The following SLIT2 variants were observed in gnomAD, a reference collection of about 807,000 sequenced individuals.
SLIT2 encodes the protein slit homolog 2 protein.
SLIT2 carries 41 observed loss-of-function variants against 185.7 expected under a neutral mutation model. The ratio of observed to expected loss-of-function variants is 0.22; its 90% CI spans 0.17 to 0.29. The LOEUF (loss-of-function observed/expected upper bound fraction) is 0.29, where lower values mean the gene tolerates loss of function less well. Among genes scored for constraint, SLIT2 ranks in the 10% least tolerant of loss-of-function variants. The pLI is 1.00. For missense variants in SLIT2, 1,571 were observed against 1,909.0 expected (o/e 0.82, Z 3.30); for synonymous variants, 693 against 680.2 (o/e 1.02, Z -0.29).
At chr4:20,359,698 AGGCCAGTGGC>A (rs1395900853) in intron 4 of SLIT2, among the ~76,000 whole-genome samples, 1 of 152,098 alleles carries the variant, frequency 6.6e-6, no homozygotes, top group Non-Finnish European at 1.5e-5. Context: ...AATTGTTACA[AGGCCAGTGGC>A]TGCCACACAA....
intron 4 of SLIT2, among the ~76,000 whole-genome samples, chr4:20,441,340 A>G (rs543362352): frequency 6.6e-6 from 1 of 152,156 alleles, no homozygotes; most frequent in African/African-American, 2.4e-5. Context: ...CTGGCAAAAA[A>G]TTTTCAATCT....
At chr4:20,579,965 A>G (rs1430321524) in intron 29 of SLIT2, among the ~76,000 whole-genome samples, 1 of 142,276 alleles carries the variant, frequency 7.0e-6, no homozygotes, top group African/African-American at 2.5e-5. Context: ...ATATTCTCCA[A>G]ATAATATATA....
chr4:20,360,412 G>A (rs1231362428), intron 4 of SLIT2, among the ~76,000 whole-genome samples: 2 of 152,016 alleles, frequency 1.3e-5, no homozygotes, highest in East Asian at 1.9e-4. Context: ...ATGCAAGAGG[G>A]CTTTAATATG....
chr4:20,349,551 A>G (rs1721699880), intron 4 of SLIT2, among the ~76,000 whole-genome samples: 1 of 152,198 alleles, frequency 6.6e-6, no homozygotes, highest in African/African-American at 2.4e-5. Flanking sequence ...GTTTCCTGAA[A>G]CTGCAAAGTA....
chr4:20,291,425 T>G (rs2109080349), intron 4 of SLIT2, among the ~76,000 whole-genome samples: 1 of 134,202 alleles, frequency 7.5e-6, no homozygotes, highest in African/African-American at 2.8e-5. Context: ...ACCATTATGG[T>G]ATGTCTGCTC....
In SLIT2 at chr4:20,253,905, G is replaced by T. The variant is rs1293117558; in HGVS notation, c.90G>T (p.Ala30=). ...AGGTGGCACCGCAGGCGTGCCCGGC[G>T]CAGTGCTCTTGCTCGGGCAGCACAG... ...LNKVAPQACP[A]QCSCSGSTVD... The change falls in exon 1 of 37, where the codon GCG becomes GCT. Residue 30 remains alanine (A), a synonymous_variant. Transcript: ENST00000504154. 3.7e-6 allele frequency: 6 copies of T among 1,601,944 alleles called. No individual in the cohort carries two copies. The highest frequency in any genetic ancestry group is 3.4e-6 in the Non-Finnish European group (4 of 1,179,906).
chr4:20,267,289 A>G (rs1276776124), intron 3 of SLIT2, among the ~76,000 whole-genome samples: 5 of 151,988 alleles, frequency 3.3e-5, no homozygotes, highest in Non-Finnish European at 7.4e-5. Context: ...TGCTTCATTT[A>G]AAAAATTAGC....
chr4:20,277,939 T>C (rs1714329748), intron 4 of SLIT2, among the ~76,000 whole-genome samples: 1 of 151,916 alleles, frequency 6.6e-6, no homozygotes, highest in African/African-American at 2.4e-5. Context: ...GGCAGAGTGA[T>C]AACATTTGGA....
chr4:20,405,831 A>G (rs1726734640), intron 4 of SLIT2, among the ~76,000 whole-genome samples: 1 of 152,026 alleles, frequency 6.6e-6, no homozygotes, highest in African/African-American at 2.4e-5. Flanking sequence ...ATATTAGGAC[A>G]TAAGATGACT....
chr4:20,573,295 T>A (rs1398624566), intron 29 of SLIT2: 5 of 702,822 alleles, frequency 7.1e-6, no homozygotes, highest in Admixed American at 2.0e-5. Flanking sequence ...TGATTTTCAT[T>A]TTAGTCTCCC....
intron 26 of SLIT2, among the ~76,000 whole-genome samples, chr4:20,560,787 A>G (rs2148904360): frequency 6.6e-6 from 1 of 152,026 alleles, no homozygotes; most frequent in South Asian, 2.1e-4. Flanking sequence ...AAGAGTGAAC[A>G]GACTCATGGA....
At chr4:20,375,823 A>G (rs1375143579) in intron 4 of SLIT2, among the ~76,000 whole-genome samples, 1 of 152,106 alleles carries the variant, frequency 6.6e-6, no homozygotes, top group African/African-American at 2.4e-5. Flanking sequence ...CATACATAAA[A>G]ATGCACTATG....
chr4:20,397,802 G>A (rs779072915), intron 4 of SLIT2, among the ~76,000 whole-genome samples: 2 of 151,670 alleles, frequency 1.3e-5, no homozygotes, highest in Non-Finnish European at 2.9e-5. Context: ...TCCCACACAC[G>A]GCTTCAAGTT....
intron 26 of SLIT2, among the ~76,000 whole-genome samples, chr4:20,559,997 A>G (rs1043245560): frequency 2.6e-5 from 4 of 151,950 alleles, no homozygotes; most frequent in African/African-American, 9.7e-5. Flanking sequence ...AAAATAATTC[A>G]TTCAAGGAAA....
chr4:20,271,929 C>T (rs1437763756), intron 4 of SLIT2, among the ~76,000 whole-genome samples: 1 of 152,026 alleles, frequency 6.6e-6, no homozygotes. Flanking sequence ...GGAGGGTATA[C>T]TGTATATGAA....
chr4:20,391,575 T>C (rs927787247), intron 4 of SLIT2, among the ~76,000 whole-genome samples: 8 of 152,174 alleles, frequency 5.3e-5, no homozygotes, highest in African/African-American at 1.7e-4. Context: ...AAGCATATTG[T>C]TGAAAATGTG....
In SLIT2 at chr4:20,523,834, C is replaced by T; in HGVS notation, c.1205C>T (p.Ser402Phe). The part of the protein sequence containing the change: ...FQDLHNLNLL[S>F]LYDNKLQTIA... ...GATCTCCACAACTTGAACCTTCTCT[C>T]CCTATATGACAACAAGCTTCAGACC... The change falls in exon 13 of 37, where the codon TCC becomes TTC. Residue 402 changes from serine to phenylalanine, a missense_variant. Transcript: ENST00000504154. 6.2e-7 allele frequency: 1 copy of T among 1,613,838 alleles called. No individual in the cohort carries two copies. Among genetic ancestry groups the T allele is most frequent in the Non-Finnish European group, 8.5e-7 (1 of 1,179,718 alleles).
At chr4:20,602,775 C>T (rs954909100) in intron 33 of SLIT2, among the ~76,000 whole-genome samples, 1 of 152,110 alleles carries the variant, frequency 6.6e-6, no homozygotes, top group East Asian at 1.9e-4. Flanking sequence ...ATGCTTGATG[C>T]TCACATTGAA....
intron 9 of SLIT2, among the ~76,000 whole-genome samples, chr4:20,509,016 G>T (rs576632063): frequency 9.7e-4 from 146 of 151,248 alleles, no homozygotes; most frequent in Non-Finnish European, 1.4e-3. Flanking sequence ...AATGTTACGC[G>T]TGTGTGTGTG....
Sources: gnomAD v4.1 joint callset for allele counts (sites outside exome capture counted in the v4.1 genomes callset) on GRCh38, gnomAD v4.1.1 for gene constraint, MANE v1.5 for transcripts, NCBI Gene and HGNC (gene_info 2026-07-23, HGNC 2026-07-21) for gene names.